The following IFT80 variants were observed in gnomAD, a reference collection of about 807,000 sequenced individuals.
IFT80 encodes the protein intraflagellar transport protein 80 homolog.
IFT80 carries 79 observed loss-of-function variants against 107.9 expected under a neutral mutation model. That is an observed-to-expected ratio of 0.73 (90% CI 0.61 to 0.88). The LOEUF is 0.88. IFT80 is among the 40% of genes least tolerant of loss of function. The probability of loss-of-function intolerance (pLI) is 0.00; values close to 1 mark genes in which losing one functional copy is unlikely to be tolerated. For missense variants in IFT80, 797 were observed against 914.2 expected (o/e 0.87, Z 1.65); for synonymous variants, 299 against 300.9 (o/e 0.99, Z 0.07).
chr3:160,321,166 A>G (rs1292694542), intron 8 of IFT80, among the ~76,000 whole-genome samples: 2 of 152,024 alleles, frequency 1.3e-5, no homozygotes, highest in Non-Finnish European at 2.9e-5. Context: ...AATTAAAAAA[A>G]TACATATAAT....
intron 19 of IFT80, 108 bp downstream of exon 19, chr3:160,268,305 G>T: frequency 1.0e-6 from 1 of 978,920 alleles, no homozygotes; most frequent in Non-Finnish European, 1.6e-6. Flanking sequence ...TTCTTTTAGA[G>T]GTTAAAAGAT....
chr3:160,320,841 T>G (rs972839652), intron 8 of IFT80, among the ~76,000 whole-genome samples: 1 of 151,886 alleles, frequency 6.6e-6, no homozygotes, highest in Non-Finnish European at 1.5e-5. Context: ...CAGGCTCACT[T>G]TGACAACAAA....
Position 160,288,702 on chromosome 3 carries a change from T to A in IFT80, c.1316-2834A>T, listed in dbSNP as rs1229722667. On this transcript the variant is annotated intron_variant, in intron 12 of 19. Transcript: ENST00000326448. ...ACAGACATTTAAAAGAAGATATACATGTGGCCAACAAACATATGAACAAAA... is the reference window on the plus strand; with the variant it reads ...ACAGACATTTAAAAGAAGATATACAAGTGGCCAACAAACATATGAACAAAA... Among the ~76,000 whole-genome samples the A allele has an allele frequency of 2.6e-5, 4 of 152,012 alleles. No individual in the cohort carries two copies. In the East Asian group the frequency reaches 7.7e-4, roughly 29 times the overall value.
intron 8 of IFT80, among the ~76,000 whole-genome samples, chr3:160,340,240 A>G (rs1232865605): frequency 6.6e-6 from 1 of 152,190 alleles, no homozygotes; most frequent in Non-Finnish European, 1.5e-5. Flanking sequence ...ATCCTCCCCA[A>G]GTTATCTACC....
intron 9 of IFT80, among the ~76,000 whole-genome samples, chr3:160,319,284 C>T (rs1163883613): frequency 6.6e-6 from 1 of 151,984 alleles, no homozygotes; most frequent in Non-Finnish European, 1.5e-5. Flanking sequence ...CCAATAAGAA[C>T]TTCCTATACC....
At position 160,282,514 on chromosome 3, in the gene IFT80, T is replaced by C. The variant is rs1714762730; in HGVS notation, c.1480A>G (p.Lys494Glu). The change falls in exon 14 of 20, where the codon AAA (lysine) becomes GAA (glutamate). Residue 494 changes from lysine (K) to glutamate (E), a missense_variant. Transcript: ENST00000326448. ...ATTTGTTCTTCCTTCCCAAATCGTT[T>C]CACAGAAGTGATACAGAGATCTCTA... is the stretch of plus-strand genomic sequence containing the variant. Reference protein sequence around the residue: ...KNRDLCITSVKRFGKEEQIIK... With the variant: ...KNRDLCITSVERFGKEEQIIK... 6.3e-7 allele frequency: 1 copy of C among 1,598,788 alleles called. No individual in the cohort carries two copies. Among genetic ancestry groups the C allele is most frequent in the Admixed American group, 1.7e-5 (1 of 59,422 alleles).
At chr3:160,338,112 C>T (rs546716434) in intron 8 of IFT80, among the ~76,000 whole-genome samples, 56 of 152,244 alleles carry the variant, frequency 3.7e-4, no homozygotes, top group Middle Eastern at 3.4e-3. Context: ...GTGGCTTCAA[C>T]CACACCCCTC....
intron 1 of IFT80, among the ~76,000 whole-genome samples, chr3:160,394,547 G>C (rs1003698692): frequency 6.6e-5 from 10 of 152,106 alleles, no homozygotes; most frequent in Non-Finnish European, 1.5e-4. Context: ...TTCTAGCTAT[G>C]ATTAATAGCC....
At chr3:160,280,394 C>T (rs1446037670) in intron 15 of IFT80, among the ~76,000 whole-genome samples, 1 of 152,128 alleles carries the variant, frequency 6.6e-6, no homozygotes, top group African/African-American at 2.4e-5. Flanking sequence ...ATCACTTGAT[C>T]ACACTGAGAA....
chr3:160,324,444 C>T (rs1718518878), intron 8 of IFT80, among the ~76,000 whole-genome samples: 3 of 152,100 alleles, frequency 2.0e-5, no homozygotes, highest in African/African-American at 7.2e-5. Flanking sequence ...ATCAAGTGGG[C>T]TTCATCTCTG....
At chr3:160,344,550 T>C (rs1158677387) in intron 8 of IFT80, among the ~76,000 whole-genome samples, 2 of 152,102 alleles carry the variant, frequency 1.3e-5, no homozygotes, top group African/African-American at 2.4e-5. Context: ...TCTTGAGTAA[T>C]ACTCCACAAG....
chr3:160,292,793 G>A (rs1715674668), intron 12 of IFT80, among the ~76,000 whole-genome samples: 1 of 152,084 alleles, frequency 6.6e-6, no homozygotes, highest in Admixed American at 6.6e-5. Flanking sequence ...CGCTGGTATG[G>A]CAAAACACTT....
chr3:160,380,307 T>G (rs1307982233), intron 3 of IFT80, among the ~76,000 whole-genome samples: 2 of 151,868 alleles, frequency 1.3e-5, no homozygotes, highest in Non-Finnish European at 1.5e-5. Flanking sequence ...AAAGTCCATT[T>G]CTCTTGACTA....
intron 1 of IFT80, among the ~76,000 whole-genome samples, chr3:160,391,241 T>C (rs532688042): frequency 6.6e-6 from 1 of 152,314 alleles, no homozygotes; most frequent in African/African-American, 2.4e-5. Context: ...AGAACACTCC[T>C]GGGCTAACCC....
intron 8 of IFT80, chr3:160,343,002 C>T (rs994323377): frequency 6.5e-6 from 1 of 153,158 alleles, no homozygotes; most frequent in African/African-American, 2.4e-5. Flanking sequence ...ATGCTGTACC[C>T]TTCAAGGATT....
At chr3:160,387,898 CAGA>C (rs1159158617) in intron 1 of IFT80, among the ~76,000 whole-genome samples, 3 of 152,024 alleles carry the variant, frequency 2.0e-5, no homozygotes, top group African/African-American at 7.2e-5. Flanking sequence ...ATTAAGATTC[CAGA>C]AGAAGTTAAC....
intron 12 of IFT80, among the ~76,000 whole-genome samples, chr3:160,290,321 T>A (rs1170254457): frequency 6.7e-6 from 1 of 148,962 alleles, no homozygotes; most frequent in Non-Finnish European, 1.5e-5. Context: ...AGCAGGAGAA[T>A]CACTTGAACC....
Position 160,319,812 on chromosome 3 carries a change from T to A in IFT80, c.905A>T (p.His302Leu). 1.9e-6 allele frequency: 3 copies of A among 1,613,098 alleles called. No homozygotes were observed. Among genetic ancestry groups the A allele is most frequent in the Non-Finnish European group, 2.5e-6 (3 of 1,179,294 alleles). The change falls in exon 9 of 20, where the codon CAT (histidine) becomes CTT (leucine). Residue 302 changes from histidine (H) to leucine (L), a missense_variant. By Grantham distance (99) the His-to-Leu change is moderately conservative. Transcript: ENST00000326448. ...TACTTGAAAATTTTTCCACTCCCAA[T>A]GTTGTTCCACCACATGTGCAAAAAC... ...HVVFAHVVEQ[H>L]WEWKNFQVTL... is the part of the protein sequence containing the mutation.
intron 15 of IFT80, among the ~76,000 whole-genome samples, chr3:160,280,188 G>C (rs1199117491): frequency 3.9e-5 from 6 of 152,130 alleles, no homozygotes; most frequent in Admixed American, 2.6e-4. Context: ...TAAATGGTTT[G>C]ATTTTCTGAA....
Sources: allele counts gnomAD v4.1 joint callset (sites outside exome capture counted in the v4.1 genomes callset), GRCh38; gene constraint gnomAD v4.1.1; transcripts MANE v1.5; gene names NCBI Gene and HGNC (gene_info 2026-07-23, HGNC 2026-07-21).